NGLY1: variants seen among roughly 807,000 people sequenced by gnomAD.
NGLY1 encodes peptide-N(4)-(N-acetyl-beta-glucosaminyl)asparagine amidase.
Under a neutral mutation model 84.6 loss-of-function variants are expected in NGLY1, and 68 were observed. The ratio of observed to expected loss-of-function variants is 0.80; its 90% CI spans 0.66 to 0.98. The LOEUF is 0.98. NGLY1 is among the 50% of genes least tolerant of loss of function. NGLY1 has a pLI of 0.00. For missense variants in NGLY1, 779 were observed against 770.2 expected (o/e 1.01, Z -0.14); for synonymous variants, 280 against 275.2 (o/e 1.02, Z -0.17).
intron 3 of NGLY1, among the ~76,000 whole-genome samples, chr3:25,761,000 T>C (rs187033038): frequency 7.7e-4 from 117 of 151,750 alleles, no homozygotes; most frequent in African/African-American, 2.7e-3. Flanking sequence ...TAAAATTAAC[T>C]AGTTCGTTTT....
intron 1 of NGLY1, chr3:25,782,755 G>C (rs749462207): frequency 6.5e-6 from 1 of 153,652 alleles, no homozygotes; most frequent in Admixed American, 6.5e-5. Context: ...GAAGCATTAT[G>C]CTTTAGTACT....
intron 9 of NGLY1, among the ~76,000 whole-genome samples, chr3:25,731,239 A>T (rs1705522280): frequency 2.0e-5 from 3 of 152,098 alleles, no homozygotes; most frequent in African/African-American, 7.2e-5. Context: ...TAAAGTTTTC[A>T]TCTGGAGAGG....
chr3:25,734,212 T>C (rs753476764), intron 7 of NGLY1: 18 of 398,030 alleles, frequency 4.5e-5, no homozygotes, highest in Non-Finnish European at 7.6e-5. Context: ...ACTATAGGCA[T>C]GCACCATCAC....
At position 25,782,903 on chromosome 3, in the gene NGLY1, C is replaced by T. The variant is rs74689002; in HGVS notation, c.131+357G>A. On this transcript the variant is annotated intron_variant, in intron 1 of 11. Transcript: ENST00000280700. ...GCGCGGTGCGGTTACCGTTGTGTCC[C>T]GATATCTGAGGCCGTTAAACGACGA... 1,477 of 234,240 alleles carry T rather than the reference C, an allele frequency of 6.3e-3. 19 individuals carry two copies. The highest frequency in any genetic ancestry group is 0.033 in the African/African-American group (1,400 of 42,890). 14.5% of individuals were successfully genotyped at this position (234,240 alleles called of 1,614,324 possible).
chr3:25,768,831 G>A (rs1045926912), intron 2 of NGLY1, among the ~76,000 whole-genome samples: 1 of 151,398 alleles, frequency 6.6e-6, no homozygotes, highest in East Asian at 2.0e-4. Context: ...CGTGAGCCAC[G>A]GCGCCTGGCC....
At chr3:25,763,446 T>G (rs991792858) in intron 3 of NGLY1, among the ~76,000 whole-genome samples, 6 of 152,196 alleles carry the variant, frequency 3.9e-5, no homozygotes, top group Admixed American at 2.6e-4. Context: ...ACTGCAAAAC[T>G]GATGAAGACC....
intron 3 of NGLY1, among the ~76,000 whole-genome samples, chr3:25,752,494 A>G (rs1706807237): frequency 1.3e-5 from 2 of 152,250 alleles, no homozygotes; most frequent in South Asian, 4.1e-4. Flanking sequence ...TGCTGGGATT[A>G]CAGGCATAAG....
At chr3:25,720,228 G>GA (rs1553650184) in intron 10 of NGLY1, 37 bp from the exon 11 acceptor site, 8 of 1,520,318 alleles carry the variant, frequency 5.3e-6, no homozygotes, top group Non-Finnish European at 7.2e-6. Context: ...GGAACTGTCA[G>GA]AAAAAATGAA....
chr3:25,719,672 T>C, intron 11 of NGLY1, 37 bp from the exon 12 acceptor site: 1 of 1,569,470 alleles, frequency 6.4e-7, no homozygotes, highest in East Asian at 2.2e-5. Context: ...ATTTTGCTTT[T>C]GGTAATTTAA....
At chr3:25,726,505 T>G (rs1264394547) in intron 10 of NGLY1, among the ~76,000 whole-genome samples, 1 of 152,094 alleles carries the variant, frequency 6.6e-6, no homozygotes, top group Non-Finnish European at 1.5e-5. Context: ...GAGTGAGGCT[T>G]GGGCCAAGTG....
At chr3:25,747,467 T>C (rs1706495287) in intron 4 of NGLY1, among the ~76,000 whole-genome samples, 1 of 152,222 alleles carries the variant, frequency 6.6e-6, no homozygotes, top group Non-Finnish European at 1.5e-5. Context: ...AATGGCATAG[T>C]GTAATATTTT....
intron 1 of NGLY1, among the ~76,000 whole-genome samples, chr3:25,781,106 C>T (rs2968176): frequency 0.66 from 99,991 of 151,844 alleles, 38,810 homozygotes; most frequent in East Asian, 0.94. Flanking sequence ...TCTGCCACCA[C>T]GCTTGGCTAA....
chr3:25,760,600 C>T (rs776824906), intron 3 of NGLY1, among the ~76,000 whole-genome samples: 8 of 152,122 alleles, frequency 5.3e-5, no homozygotes, highest in Non-Finnish European at 1.0e-4. Context: ...GTGGCTCACG[C>T]CTGTAACCCA....
intron 4 of NGLY1, among the ~76,000 whole-genome samples, chr3:25,742,762 TA>T (rs1309331955): frequency 2.6e-5 from 4 of 151,314 alleles, no homozygotes; most frequent in Non-Finnish European, 5.9e-5. Context: ...TCATTCAAAA[TA>T]AAATTCAAAG....
chr3:25,721,734 G>C (rs1244993894), intron 10 of NGLY1, among the ~76,000 whole-genome samples: 1 of 106,370 alleles, frequency 9.4e-6, no homozygotes, highest in South Asian at 3.3e-4. Context: ...GGGCGACAGA[G>C]CAAGACTCCA....
In NGLY1 at chr3:25,731,752, TA is replaced by T. The variant is rs1194627850; in HGVS notation, c.1425+566del. Reference sequence around the variant, plus strand: ...AATAAATTATACAGCAATGAGAACATACCATACACGTTGCAACATGTATCTC... The same window carrying T: ...AATAAATTATACAGCAATGAGAACATCCATACACGTTGCAACATGTATCTC... On this transcript the variant is annotated intron_variant, in intron 9 of 11. Transcript: ENST00000280700. 3.9e-5 allele frequency among the ~76,000 whole-genome samples: 6 copies of T among 152,196 alleles called. No individual in the cohort carries two copies. The South Asian group carries it at 8.3e-4, about 21-fold the overall frequency.
chr3:25,720,009 C>T lies in NGLY1; in HGVS notation c.1789+5G>A, dbSNP rs772184143. On this transcript the variant is annotated splice_donor_5th_base_variant and intron_variant, in intron 11 of 11. Transcript: ENST00000280700. Reference sequence around the variant, plus strand: ...TCGTGATTAATTCTCCAGGCAAATGCTTACCGCCTGTCAGTTCTACTTGTG... The same window carrying T: ...TCGTGATTAATTCTCCAGGCAAATGTTTACCGCCTGTCAGTTCTACTTGTG... 1.2e-6 allele frequency: 2 copies of T among 1,605,420 alleles called. No homozygotes were observed. The highest frequency in any genetic ancestry group is 1.3e-5 in the African/African-American group (1 of 74,666).
At chr3:25,737,048 T>C (rs1427130508) in intron 6 of NGLY1, 1 of 255,056 alleles carries the variant, frequency 3.9e-6, no homozygotes, top group African/African-American at 2.2e-5. Flanking sequence ...GCATTACAAG[T>C]ATCCCCCAAA....
intron 4 of NGLY1, among the ~76,000 whole-genome samples, chr3:25,746,425 T>A (rs141050947): frequency 3.0e-4 from 46 of 152,360 alleles, no homozygotes; most frequent in African/African-American, 1.0e-3. Context: ...TAAATACACA[T>A]ACTCCAATGT....
Sources: allele counts gnomAD v4.1 joint callset (sites outside exome capture counted in the v4.1 genomes callset), GRCh38; gene constraint gnomAD v4.1.1; transcripts MANE v1.5; gene names NCBI Gene and HGNC (gene_info 2026-07-23, HGNC 2026-07-21).